The following TSNARE1 variants were observed in gnomAD, a reference collection of about 807,000 sequenced individuals.
TSNARE1 encodes the protein t-SNARE domain containing 1, also known as t-SNARE domain-containing protein 1.
A neutral mutation model predicts 62.0 loss-of-function variants in TSNARE1; 49 were observed. That is an observed-to-expected ratio of 0.79 (90% CI 0.63 to 1.00). The LOEUF (loss-of-function observed/expected upper bound fraction) is 1.00. Among genes scored for constraint, TSNARE1 ranks in the 50% least tolerant of loss-of-function variants. The probability of loss-of-function intolerance (pLI) is 0.00; values close to 1 mark genes in which losing one functional copy is unlikely to be tolerated. For missense variants in TSNARE1, 755 were observed against 700.1 expected (o/e 1.08, Z -0.88); for synonymous variants, 328 against 294.4 (o/e 1.11, Z -1.17).
chr8:142,297,175 T>C (rs2131236356), intron 10 of TSNARE1, among the ~76,000 whole-genome samples: 1 of 152,180 alleles, frequency 6.6e-6, no homozygotes, highest in East Asian at 1.9e-4. Flanking sequence ...GGCCCTTTGT[T>C]TTGTCCCAAG....
chr8:142,385,511 T>C (rs915324780), intron 1 of TSNARE1, among the ~76,000 whole-genome samples: 1 of 152,162 alleles, frequency 6.6e-6, no homozygotes, highest in Admixed American at 6.5e-5. Flanking sequence ...AGATAAGCCC[T>C]GACTATGGAG....
intron 11 of TSNARE1, among the ~76,000 whole-genome samples, chr8:142,283,020 T>C (rs1349100007): frequency 1.5e-3 from 152 of 104,086 alleles, no homozygotes; most frequent in African/African-American, 2.6e-3. Context: ...AGAGGCGGGG[T>C]CAGTGTCTGC....
Position 142,363,406 on chromosome 8 carries a change from G to A in TSNARE1, c.-39-8643C>T, listed in dbSNP as rs1835305756. Among the ~76,000 whole-genome samples the A allele has an allele frequency of 3.3e-5, 5 of 152,238 alleles. No individual in the cohort carries two copies. In the South Asian group the frequency reaches 1.0e-3, roughly 32 times the overall value. On this transcript the variant is annotated intron_variant, in intron 1 of 13. Coordinates refer to ENST00000524325, the MANE Select transcript of TSNARE1 (RefSeq NM_145003.5). ...CAGGGGGAGAGGGAGAAGAGATGTG[G>A]GTTAAAGCCCCGATTCAAGGTGCAC...
rs554347579 is a variant in TSNARE1, at chr8:142,227,274, C to A, written c.*11+2199G>T. On this transcript the variant is annotated intron_variant, in intron 13 of 13. Coordinates refer to ENST00000524325, the MANE Select transcript of TSNARE1 (RefSeq NM_145003.5). ...ATCACAGTGACAGCCAGGACCTCCA[C>A]TGCACCCACACAACAGTGACAGCCA... 6.6e-5 allele frequency among the ~76,000 whole-genome samples: 10 copies of A among 151,042 alleles called. No individual in the cohort carries two copies. The South Asian group carries it at 2.1e-3, about 32-fold the overall frequency.
At chr8:142,388,302 T>C (rs1837242698) in intron 1 of TSNARE1, among the ~76,000 whole-genome samples, 1 of 152,098 alleles carries the variant, frequency 6.6e-6, no homozygotes, top group South Asian at 2.1e-4. Context: ...AGCCATACTC[T>C]GCTTTATGGA....
intron 12 of TSNARE1, chr8:142,274,497 C>A (rs1427797141): frequency 1.0e-6 from 1 of 985,362 alleles, no homozygotes; most frequent in African/African-American, 1.7e-5. Flanking sequence ...CAAGGGCCCT[C>A]CCCTCGGCTG....
intron 11 of TSNARE1, among the ~76,000 whole-genome samples, chr8:142,279,081 G>A (rs891060846): frequency 2.0e-5 from 3 of 152,226 alleles, no homozygotes; most frequent in African/African-American, 7.2e-5. Context: ...GGGGCTGGGG[G>A]AGAGCGGAGG....
At chr8:142,223,091 C>T (rs1349414408) in intron 13 of TSNARE1, among the ~76,000 whole-genome samples, 2 of 151,276 alleles carry the variant, frequency 1.3e-5, no homozygotes, top group African/African-American at 4.9e-5. Flanking sequence ...TTCACTCATT[C>T]ATCCACTCAT....
chr8:142,282,984 G>A (rs1379476346), intron 11 of TSNARE1, among the ~76,000 whole-genome samples: 40 of 149,180 alleles, frequency 2.7e-4, no homozygotes, highest in Non-Finnish European at 4.9e-4. Context: ...TAAGGGCAAA[G>A]GCGGGGTCAG....
rs544650881 is a variant in TSNARE1 at position 142,274,978 on chromosome 8, A to C, written c.1364-115T>G. On this transcript the variant is annotated intron_variant, in intron 11 of 13. Transcript: ENST00000524325. ...CTGAGCCCAGGGCCTGCAGAGGAGCAGAGGCTGCAGGGATGGGCGCTGGGC... is the reference window on the plus strand; with the variant it reads ...CTGAGCCCAGGGCCTGCAGAGGAGCCGAGGCTGCAGGGATGGGCGCTGGGC... The C allele has an allele frequency of 5.8e-6, 8 of 1,390,528 alleles. No homozygotes were observed. In the Admixed American group the frequency reaches 2.5e-4, roughly 43 times the overall value. The allele number at this position is 1,390,528 out of a possible 1,614,324, so 86.1% of individuals were successfully genotyped here.
intron 12 of TSNARE1, among the ~76,000 whole-genome samples, chr8:142,236,497 A>T (rs1817431152): frequency 7.0e-6 from 1 of 143,712 alleles, no homozygotes; most frequent in Non-Finnish European, 1.5e-5. Context: ...GGCATGAGAA[A>T]TCCCCCAAGT....
At chr8:142,396,223 C>A (rs116189501) in intron 1 of TSNARE1, among the ~76,000 whole-genome samples, 2 of 152,044 alleles carry the variant, frequency 1.3e-5, no homozygotes, top group African/African-American at 4.8e-5. Flanking sequence ...CAGGCTCAGG[C>A]GATAAACACA....
chr8:142,323,922 T>C (rs983379061), intron 6 of TSNARE1, among the ~76,000 whole-genome samples: 1 of 152,160 alleles, frequency 6.6e-6, no homozygotes, highest in African/African-American at 2.4e-5. Context: ...GGGAGATGGA[T>C]GAGACTGCAC....
At chr8:142,299,622 C>T (rs562669721) in intron 10 of TSNARE1, among the ~76,000 whole-genome samples, 4 of 152,356 alleles carry the variant, frequency 2.6e-5, no homozygotes, top group African/African-American at 7.2e-5. Context: ...CTTACACATG[C>T]ATGCACACAC....
At chr8:142,308,866 T>C (rs1039328713) in intron 9 of TSNARE1, among the ~76,000 whole-genome samples, 32 of 152,228 alleles carry the variant, frequency 2.1e-4, no homozygotes, top group African/African-American at 7.2e-4. Flanking sequence ...AGAGCTGACA[T>C]CTCCATACAC....
intron 1 of TSNARE1, among the ~76,000 whole-genome samples, chr8:142,361,442 C>A (rs1163067474): frequency 6.6e-6 from 1 of 152,184 alleles, no homozygotes; most frequent in African/African-American, 2.4e-5. Flanking sequence ...CACACGGCAG[C>A]AGAGGCAATG....
intron 11 of TSNARE1, among the ~76,000 whole-genome samples, chr8:142,281,899 G>A (rs57310109): frequency 0.088 from 13,370 of 152,178 alleles, 1,418 homozygotes; most frequent in African/African-American, 0.25. Flanking sequence ...CCTCTCGCCT[G>A]TCAGGTCCTT....
intron 12 of TSNARE1, among the ~76,000 whole-genome samples, chr8:142,254,518 CG>C (rs1309442635): frequency 6.6e-6 from 1 of 152,216 alleles, no homozygotes; most frequent in African/African-American, 2.4e-5. Context: ...AGGGGATCCC[CG>C]TGGGACCCAT....
chr8:142,332,100 C>T (rs887368707), intron 4 of TSNARE1, among the ~76,000 whole-genome samples: 1 of 152,246 alleles, frequency 6.6e-6, no homozygotes, highest in Admixed American at 6.5e-5. Flanking sequence ...AGTTTCCATA[C>T]ACCGCAGCAG....
Sources: gnomAD v4.1 joint callset for allele counts (sites outside exome capture counted in the v4.1 genomes callset) on GRCh38, gnomAD v4.1.1 for gene constraint, MANE v1.5 for transcripts, NCBI Gene and HGNC (gene_info 2026-07-23, HGNC 2026-07-21) for gene names.